MTAP: variants seen among roughly 807,000 people sequenced by gnomAD.
The protein encoded by MTAP is methylthioadenosine phosphorylase.
A neutral mutation model predicts 33.6 loss-of-function variants in MTAP; 33 were observed. The observed-to-expected ratio is 0.98, with a 90% CI of 0.74 to 1.31. MTAP has a LOEUF of 1.31. Ranked by LOEUF, MTAP falls within the 40% of genes most tolerant of loss-of-function variation. The pLI, the probability that MTAP is intolerant of heterozygous loss-of-function variation, is 0.00. For synonymous variants in MTAP, 148 were observed against 125.7 expected, an observed-to-expected ratio of 1.18 and a Z score of -1.19; for missense variants, 367 against 360.0, an observed-to-expected ratio of 1.02 and a Z score of -0.16.
Position 21,862,255 on chromosome 9 carries a change from T to C in MTAP, c.*241T>C. 1 of 1,029,086 alleles carries C rather than the reference T, an allele frequency of 9.7e-7. No homozygotes were observed. The highest frequency in any genetic ancestry group is 1.3e-6 in the Non-Finnish European group (1 of 794,454). The allele number at this position is 1,029,086 out of a possible 1,614,324, so 63.7% of individuals were successfully genotyped here. Reference sequence around the variant, plus strand: ...AACATGTGGGAAAAAATATTACATTTTAAGGGGGAAAAAAAAACCCACCAT... The same window carrying C: ...AACATGTGGGAAAAAATATTACATTCTAAGGGGGAAAAAAAAACCCACCAT... On this transcript the variant is annotated 3_prime_UTR_variant, in exon 8 of 8. Coordinates refer to ENST00000644715, the MANE Select transcript of MTAP (RefSeq NM_002451.4).
At chr9:21,898,913 G>A (rs1172770718) in intron 1 of MTAP, among the ~76,000 whole-genome samples, 1 of 152,014 alleles carries the variant, frequency 6.6e-6, no homozygotes, top group Non-Finnish European at 1.5e-5. Context: ...AAATCATGCT[G>A]TTATAAAGAC....
chr9:21,864,561 G>A lies in MTAP; in HGVS notation c.*2547G>A. On this transcript the variant is annotated 3_prime_UTR_variant, in exon 8 of 8. Transcript: ENST00000644715. ...ATTTGGCATGGATTTTCATGGTTTT[G>A]AGAATGACATCCTGGCCCTGTGGTC... 8 of 985,454 alleles carry A rather than the reference G, an allele frequency of 8.1e-6. No individual in the cohort carries two copies. Among genetic ancestry groups the A allele is most frequent in the Non-Finnish European group, 9.6e-6 (8 of 829,960 alleles). 61.0% of individuals were successfully genotyped at this position (985,454 alleles called of 1,614,324 possible).
At position 21,833,081 on chromosome 9, in the gene MTAP, C is replaced by T. The variant is rs527491556; in HGVS notation, c.348-4827C>T. Among the ~76,000 whole-genome samples the T allele has an allele frequency of 5.9e-5, 9 of 152,298 alleles. No homozygotes were observed. In the South Asian group the frequency reaches 1.5e-3, roughly 25 times the overall value. On this transcript the variant is annotated intron_variant, in intron 4 of 7. Transcript: ENST00000644715. ...CAGCCTTCCTTGACTGGGATATAAACATCCATTGGTTTTCCTCCTTTTTCA... is the reference window on the plus strand; with the variant it reads ...CAGCCTTCCTTGACTGGGATATAAATATCCATTGGTTTTCCTCCTTTTTCA...
chr9:21,819,361 G>T (rs970788728), intron 4 of MTAP, among the ~76,000 whole-genome samples: 2 of 152,022 alleles, frequency 1.3e-5, no homozygotes, highest in African/African-American at 4.8e-5. Flanking sequence ...TCATTGTTCA[G>T]TTCCCACCTA....
intron 1 of MTAP, among the ~76,000 whole-genome samples, chr9:21,898,679 T>C (rs1318141552): frequency 1.3e-5 from 2 of 152,080 alleles, no homozygotes; most frequent in Non-Finnish European, 2.9e-5. Flanking sequence ...AAAATTACAA[T>C]GAGATACCAT....
intron 1 of MTAP, among the ~76,000 whole-genome samples, chr9:21,915,366 C>T (rs1818671131): frequency 6.6e-6 from 1 of 152,030 alleles, no homozygotes; most frequent in Admixed American, 6.5e-5. Flanking sequence ...GCTGGGATTA[C>T]AGGTGTCAGC....
chr9:21,928,350 G>C (rs1214342208), intron 1 of MTAP, among the ~76,000 whole-genome samples: 2 of 152,192 alleles, frequency 1.3e-5, no homozygotes, highest in Non-Finnish European at 2.9e-5. Context: ...ATAATCCCTA[G>C]ATGGGGAAGC....
intron 4 of MTAP, among the ~76,000 whole-genome samples, chr9:21,830,362 T>TGTCTGCAGTAGGTTTGTCAGTGC (rs1824936470): frequency 6.6e-6 from 1 of 152,170 alleles, no homozygotes; most frequent in Admixed American, 6.5e-5. Flanking sequence ...CTAGGAGGCT[T>TGTCTGCAGTAGGTTTGTCAGTGC]GTCTGCAGTA....
chr9:21,815,097 T>C (rs535773661), intron 1 of MTAP, among the ~76,000 whole-genome samples: 2 of 152,378 alleles, frequency 1.3e-5, no homozygotes, highest in East Asian at 3.9e-4. Flanking sequence ...CATACTTGCC[T>C]ACTTTTAGGT....
At chr9:21,830,500 T>C (rs576222308) in intron 4 of MTAP, among the ~76,000 whole-genome samples, 1 of 152,160 alleles carries the variant, frequency 6.6e-6, no homozygotes, top group South Asian at 2.1e-4. Flanking sequence ...TGGTTAGGAG[T>C]GGGATTTGTT....
In MTAP at chr9:21,863,413, C is replaced by A. The variant is rs1825792275; in HGVS notation, c.*1399C>A. 4.2e-6 allele frequency: 3 copies of A among 714,906 alleles called. No individual in the cohort carries two copies. Among genetic ancestry groups the A allele is most frequent in the African/African-American group, 1.9e-5 (1 of 51,852 alleles). The allele number at this position is 714,906 out of a possible 1,614,324, so 44.3% of individuals were successfully genotyped here. ...ACAAGGTCAGGAGATCGAGACCATC[C>A]TGGCTAATGCGTTGAAACTCCGTCT... On this transcript the variant is annotated 3_prime_UTR_variant, in exon 8 of 8. Transcript: ENST00000644715.
chr9:21,936,063 C>G (rs1057477010), downstream of MTAP: 5 of 152,152 alleles, frequency 3.3e-5, no homozygotes, highest in African/African-American at 1.2e-4. Flanking sequence ...CCGAAGGCGA[C>G]CAAATAAATA....
At position 21,863,673 on chromosome 9, in the gene MTAP, A is replaced by C. The variant is rs1174266797; in HGVS notation, c.*1659A>C. 26 of 985,428 alleles carry C rather than the reference A, an allele frequency of 2.6e-5. No individual in the cohort carries two copies. The highest frequency in any genetic ancestry group is 3.1e-5 in the Non-Finnish European group (26 of 829,928). 61.0% of individuals were successfully genotyped at this position (985,428 alleles called of 1,614,324 possible). On this transcript the variant is annotated 3_prime_UTR_variant, in exon 8 of 8. Transcript: ENST00000644715. ...TTTTTGTTTGCTTCAGTTTTTTATC[A>C]TGGGGAGATCTTTTTCCTCAGAATT...
intron 5 of MTAP, among the ~76,000 whole-genome samples, chr9:21,845,516 T>C (rs1825358587): frequency 2.6e-5 from 4 of 152,102 alleles, no homozygotes; most frequent in African/African-American, 2.4e-5. Flanking sequence ...AAAGAAATTA[T>C]AGATAATACA....
intron 1 of MTAP, among the ~76,000 whole-genome samples, chr9:21,918,331 C>G (rs1236462938): frequency 2.3e-5 from 2 of 88,750 alleles, no homozygotes; most frequent in African/African-American, 7.3e-5. Flanking sequence ...GCCTGGGCGA[C>G]AGAACGAGAC....
chr9:21,837,522 G>A (rs988125710), intron 4 of MTAP, among the ~76,000 whole-genome samples: 10 of 152,230 alleles, frequency 6.6e-5, no homozygotes, highest in African/African-American at 2.4e-4. Flanking sequence ...GAATCTGGGT[G>A]ATGTGTATAT....
intron 1 of MTAP, among the ~76,000 whole-genome samples, chr9:21,927,483 C>G (rs1818888247): frequency 6.6e-6 from 1 of 152,302 alleles, no homozygotes; most frequent in African/African-American, 2.4e-5. Context: ...CCACTCTTAA[C>G]CCAGCCTCCT....
chr9:21,897,978 A>G (rs1309774073), intron 1 of MTAP, among the ~76,000 whole-genome samples: 3 of 152,208 alleles, frequency 2.0e-5, no homozygotes, highest in African/African-American at 7.2e-5. Context: ...CTGACTTCAA[A>G]CTATACTACA....
intron 1 of MTAP, among the ~76,000 whole-genome samples, chr9:21,895,952 A>T (rs1276064531): frequency 6.6e-6 from 1 of 152,186 alleles, no homozygotes; most frequent in African/African-American, 2.4e-5. Flanking sequence ...AATCAACAGA[A>T]TATACATTCT....
Sources: allele counts gnomAD v4.1 joint callset (sites outside exome capture counted in the v4.1 genomes callset), GRCh38; gene constraint gnomAD v4.1.1; transcripts MANE v1.5; gene names NCBI Gene and HGNC (gene_info 2026-07-23, HGNC 2026-07-21).